The following CPA6 variants were observed in gnomAD, a reference collection of about 807,000 sequenced individuals.
The protein encoded by CPA6 is carboxypeptidase B.
CPA6 carries 58 observed loss-of-function variants against 63.3 expected under a neutral mutation model. That is an observed-to-expected ratio of 0.92 (90% CI 0.74 to 1.14). The LOEUF is 1.14. Among genes scored for constraint, CPA6 ranks in the 50% most tolerant of loss-of-function variants. The probability of loss-of-function intolerance (pLI) is 0.00; values close to 1 mark genes in which losing one functional copy is unlikely to be tolerated. For missense variants in CPA6, 565 were observed against 526.6 expected (o/e 1.07, Z -0.71); for synonymous variants, 185 against 179.0 (o/e 1.03, Z -0.27).
intron 1 of CPA6, among the ~76,000 whole-genome samples, chr8:67,652,135 G>C (rs77186498): frequency 0.21 from 31,529 of 152,022 alleles, 3,443 homozygotes; most frequent in Middle Eastern, 0.31. Context: ...TCTTAATTCA[G>C]TCTATCATTG....
chr8:67,448,656 G>GAAAAAAAAAAAAAAAAAAAAAAA (rs1810485855), intron 8 of CPA6, among the ~76,000 whole-genome samples: 4 of 68,802 alleles, frequency 5.8e-5, no homozygotes, highest in African/African-American at 3.5e-4. Flanking sequence ...AAAAAAAAAG[G>GAAAAAAAAAAAAAAAAAAAAAAA]AAAGAACGAA....
intron 9 of CPA6, among the ~76,000 whole-genome samples, chr8:67,430,131 A>ATATG (rs1197851567): frequency 1.8e-4 from 23 of 128,654 alleles, no homozygotes; most frequent in African/African-American, 6.2e-4. Flanking sequence ...GTATATATAT[A>ATATG]TGTGTGTGTG....
intron 4 of CPA6, 36 bp from the exon 5 acceptor site, chr8:67,509,654 C>G: frequency 9.5e-7 from 1 of 1,056,552 alleles, no homozygotes; most frequent in Non-Finnish European, 1.4e-6. Context: ...GTTAGACTCT[C>G]TCAAAATAAT....
chr8:67,459,861 T>C (rs1810760871), intron 8 of CPA6, among the ~76,000 whole-genome samples: 1 of 152,228 alleles, frequency 6.6e-6, no homozygotes, highest in South Asian at 2.1e-4. Flanking sequence ...TATAGGTTTT[T>C]ATCCATTGTA....
chr8:67,484,370 C>T (rs749120281), intron 7 of CPA6, among the ~76,000 whole-genome samples: 4 of 152,194 alleles, frequency 2.6e-5, no homozygotes, highest in Non-Finnish European at 5.9e-5. Context: ...CCGCGCCCGG[C>T]CTTTTTGCCT....
chr8:67,536,739 T>C (rs1216939241), intron 2 of CPA6, among the ~76,000 whole-genome samples: 1 of 152,160 alleles, frequency 6.6e-6, no homozygotes, highest in Non-Finnish European at 1.5e-5. Flanking sequence ...CTATGTTGAA[T>C]AGGATTGATG....
chr8:67,620,912 G>C (rs1275282158), intron 2 of CPA6, among the ~76,000 whole-genome samples: 1 of 152,174 alleles, frequency 6.6e-6, no homozygotes, highest in Non-Finnish European at 1.5e-5. Context: ...TGGATATCAG[G>C]AGGGCTACCA....
chr8:67,610,683 C>A (rs1814782461), intron 2 of CPA6, among the ~76,000 whole-genome samples: 1 of 152,188 alleles, frequency 6.6e-6, no homozygotes, highest in Non-Finnish European at 1.5e-5. Context: ...TCCAGCTTCC[C>A]CATCCAGGCT....
chr8:67,592,083 G>T (rs1814143571), intron 2 of CPA6, among the ~76,000 whole-genome samples: 1 of 152,172 alleles, frequency 6.6e-6, no homozygotes, highest in South Asian at 2.1e-4. Context: ...TTTATTGAGA[G>T]TTTTTAGCTT....
intron 2 of CPA6, among the ~76,000 whole-genome samples, chr8:67,616,501 ATGTGTGTGTGTGTGTGTG>A (rs4009134): frequency 5.0e-4 from 63 of 127,040 alleles, no homozygotes; most frequent in South Asian, 2.1e-3. Context: ...GGCAAATTGA[ATGTGTGTGTGTGTGTGTG>A]TGTGTGTGTG....
intron 1 of CPA6, among the ~76,000 whole-genome samples, chr8:67,654,137 C>A (rs1431029740): frequency 1.3e-5 from 2 of 152,080 alleles, no homozygotes; most frequent in Non-Finnish European, 2.9e-5. Context: ...TGCTGGATTC[C>A]ATTTGCCAGT....
At chr8:67,444,558 C>T (rs565282488) in intron 8 of CPA6, among the ~76,000 whole-genome samples, 379 of 151,542 alleles carry the variant, frequency 2.5e-3, no homozygotes, top group African/African-American at 8.7e-3. Context: ...CCAAGGTGGG[C>T]GGATCACTTG....
intron 8 of CPA6, among the ~76,000 whole-genome samples, chr8:67,461,860 T>C (rs1165788521): frequency 6.6e-6 from 1 of 152,200 alleles, no homozygotes; most frequent in African/African-American, 2.4e-5. Context: ...CCTTTCTTTA[T>C]GGGCCCATGA....
intron 1 of CPA6, among the ~76,000 whole-genome samples, chr8:67,682,263 A>G (rs1816614821): frequency 6.6e-6 from 1 of 151,866 alleles, no homozygotes; most frequent in South Asian, 2.1e-4. Context: ...GATAGTTTCT[A>G]TTGCCATGGC....
intron 1 of CPA6, among the ~76,000 whole-genome samples, chr8:67,710,028 G>T (rs554983702): frequency 2.0e-5 from 3 of 151,942 alleles, no homozygotes; most frequent in Non-Finnish European, 4.4e-5. Context: ...AAGAAGAATC[G>T]CTTGAACCCA....
chr8:67,581,956 T>A (rs969775756), intron 2 of CPA6, among the ~76,000 whole-genome samples: 2 of 152,070 alleles, frequency 1.3e-5, no homozygotes, highest in African/African-American at 4.8e-5. Context: ...TAAAGTGTAG[T>A]TATCTGGGTT....
At chr8:67,481,889 A>C (rs1247812356) in intron 8 of CPA6, among the ~76,000 whole-genome samples, 1 of 152,206 alleles carries the variant, frequency 6.6e-6, no homozygotes, top group African/African-American at 2.4e-5. Flanking sequence ...GAGACCTTGC[A>C]GCTGACACAG....
chr8:67,642,928 T>C (rs2128990199), intron 1 of CPA6, among the ~76,000 whole-genome samples: 1 of 152,170 alleles, frequency 6.6e-6, no homozygotes, highest in African/African-American at 2.4e-5. Context: ...GTAGTATTTA[T>C]AAAACAAGAT....
Position 67,517,993 on chromosome 8 carries a change from C to G in CPA6, c.247G>C (p.Asp83His). 1.2e-6 allele frequency: 2 copies of G among 1,613,144 alleles called. No individual in the cohort carries two copies. Among genetic ancestry groups the G allele is most frequent in the Non-Finnish European group, 1.7e-6 (2 of 1,179,646 alleles). ...ISYVSEGTVTDVHIPQNGSRA... is the reference protein window; with the variant it reads ...ISYVSEGTVTHVHIPQNGSRA... ...GAACCATTTTGGGGGATATGGACAT[C>G]AGTAACTGTTCCCTCTGATACATAG... Residue 83 changes from aspartate to histidine, a missense_variant, in exon 3 of 11, where the codon GAT (aspartate) becomes CAT (histidine). Coordinates refer to ENST00000297770, the MANE Select transcript of CPA6 (RefSeq NM_020361.5).
Sources: gnomAD v4.1 joint callset for allele counts (sites outside exome capture counted in the v4.1 genomes callset) on GRCh38, gnomAD v4.1.1 for gene constraint, MANE v1.5 for transcripts, NCBI Gene and HGNC (gene_info 2026-07-23, HGNC 2026-07-21) for gene names.